SNTB1: variants seen among roughly 807,000 people sequenced by gnomAD.
The protein encoded by SNTB1 is beta-1-syntrophin.
SNTB1 carries 36 observed loss-of-function variants against 48.9 expected under a neutral mutation model. The ratio of observed to expected loss-of-function variants is 0.74; its 90% confidence interval spans 0.56 to 0.97. The LOEUF is 0.97. SNTB1 is among the 50% of genes least tolerant of loss of function. The probability of loss-of-function intolerance (pLI) is 0.00; values close to 1 mark genes in which losing one functional copy is unlikely to be tolerated. For synonymous variants in SNTB1, 299 were observed against 294.6 expected (o/e 1.01, Z -0.15); for missense variants, 786 against 703.4 (o/e 1.12, Z -1.33).
At chr8:120,807,683 C>A (rs1820358786) in intron 1 of SNTB1, among the ~76,000 whole-genome samples, 1 of 152,146 alleles carries the variant, frequency 6.6e-6, no homozygotes, top group Non-Finnish European at 1.5e-5. Context: ...CCTTCCCGTC[C>A]CTCCCTTTTG....
At chr8:120,563,458 G>T (rs1427592873) in intron 4 of SNTB1, among the ~76,000 whole-genome samples, 5 of 152,084 alleles carry the variant, frequency 3.3e-5, no homozygotes, top group Non-Finnish European at 7.4e-5. Flanking sequence ...ACTCATAGGG[G>T]CACCATTGAA....
chr8:120,638,254 T>C (rs1817116616), intron 2 of SNTB1: 1 of 152,220 alleles, frequency 6.6e-6, no homozygotes, highest in South Asian at 2.1e-4. Context: ...AATCTGCCCT[T>C]TCCTACATCT....
At chr8:120,709,070 G>GA (rs1563857569) in intron 1 of SNTB1, among the ~76,000 whole-genome samples, 1 of 151,842 alleles carries the variant, frequency 6.6e-6, no homozygotes, top group Non-Finnish European at 1.5e-5. Context: ...GTGAGAGAGT[G>GA]AAAAAATGGA....
chr8:120,776,511 C>T (rs1819738109), intron 1 of SNTB1: 2 of 152,192 alleles, frequency 1.3e-5, no homozygotes, highest in African/African-American at 4.8e-5. Context: ...ACTTTTGAGA[C>T]CTGTGGACAC....
intron 1 of SNTB1, among the ~76,000 whole-genome samples, chr8:120,758,653 A>T (rs1328146061): frequency 1.3e-5 from 2 of 152,180 alleles, no homozygotes; most frequent in Non-Finnish European, 2.9e-5. Context: ...ACCTGTTTCC[A>T]GGCCAAACCA....
intron 1 of SNTB1, among the ~76,000 whole-genome samples, chr8:120,797,271 C>T (rs923935130): frequency 2.0e-5 from 3 of 151,888 alleles, no homozygotes; most frequent in South Asian, 2.1e-4. Context: ...GATCCTGTGA[C>T]GTTAAAATTT....
chr8:120,809,233 T>A (rs1820388257), intron 1 of SNTB1, among the ~76,000 whole-genome samples: 1 of 152,226 alleles, frequency 6.6e-6, no homozygotes, highest in Non-Finnish European at 1.5e-5. Context: ...GGGCCTCCGC[T>A]TCTCTCATTA....
intron 1 of SNTB1, among the ~76,000 whole-genome samples, chr8:120,722,295 G>T (rs1818674687): frequency 6.6e-6 from 1 of 152,116 alleles, no homozygotes; most frequent in Non-Finnish European, 1.5e-5. Context: ...GATATTTCTA[G>T]CTCTAGATCC....
intron 1 of SNTB1, among the ~76,000 whole-genome samples, chr8:120,800,258 A>G (rs1343939603): frequency 6.6e-6 from 1 of 152,102 alleles, no homozygotes. Context: ...ACTTTATATA[A>G]CCTAGACAAT....
chr8:120,601,576 G>A (rs761355027), intron 3 of SNTB1, among the ~76,000 whole-genome samples: 15 of 152,112 alleles, frequency 9.9e-5, no homozygotes, highest in Non-Finnish European at 2.1e-4. Flanking sequence ...GTGTATTGGA[G>A]ACAACTTCAT....
At chr8:120,606,716 T>A (rs1324288263) in intron 3 of SNTB1, among the ~76,000 whole-genome samples, 1 of 152,178 alleles carries the variant, frequency 6.6e-6, no homozygotes, top group African/African-American at 2.4e-5. Flanking sequence ...TGGTGAGAAT[T>A]CAAACATGAC....
intron 1 of SNTB1, among the ~76,000 whole-genome samples, chr8:120,810,552 T>G (rs1318063006): frequency 2.0e-5 from 3 of 152,082 alleles, no homozygotes; most frequent in East Asian, 3.9e-4. Flanking sequence ...GAAAAATCAC[T>G]TCACCAGCTC....
intron 2 of SNTB1, among the ~76,000 whole-genome samples, chr8:120,634,615 TACTACTCATCATCAACA>T (rs1198936500): frequency 6.6e-6 from 1 of 152,146 alleles, no homozygotes; most frequent in Non-Finnish European, 1.5e-5. Flanking sequence ...TGAAGTGTAG[TACTACTCATCATCAACA>T]ACTATGCCCA....
At chr8:120,602,577 G>A (rs1367435841) in intron 3 of SNTB1, among the ~76,000 whole-genome samples, 1 of 152,092 alleles carries the variant, frequency 6.6e-6, no homozygotes, top group Non-Finnish European at 1.5e-5. Flanking sequence ...CCACCCTGCA[G>A]ATTTCAGATT....
intron 4 of SNTB1, among the ~76,000 whole-genome samples, chr8:120,564,564 GTTTTTT>G (rs71306893): frequency 4.7e-5 from 4 of 84,224 alleles, no homozygotes; most frequent in African/African-American, 1.8e-4. Flanking sequence ...TATTATTCTG[GTTTTTT>G]TTTTTTTTTT....
chr8:120,761,040 T>A (rs80150206), intron 1 of SNTB1, among the ~76,000 whole-genome samples: 5,799 of 152,110 alleles, frequency 0.038, 374 homozygotes, highest in African/African-American at 0.13. Context: ...GAGCAAAGAC[T>A]ATAAACAAGG....
At chr8:120,732,327 T>C (rs191997249) in intron 1 of SNTB1, among the ~76,000 whole-genome samples, 16 of 152,312 alleles carry the variant, frequency 1.1e-4, no homozygotes, top group Admixed American at 2.0e-4. Flanking sequence ...CAAAATAATG[T>C]TAGCTGTGCC....
chr8:120,542,006 A>G lies in SNTB1; in HGVS notation c.1334-6T>C. On this transcript the variant is annotated splice_region_variant and splice_polypyrimidine_tract_variant and intron_variant, in intron 5 of 6. Coordinates refer to ENST00000517992, the MANE Select transcript of SNTB1 (RefSeq NM_021021.4). ...CTGGTTTTTGTAGGTGCAAGCTGAG[A>G]GAGAAAGAGAGAGAAAAAGAGACAA... The G allele has an allele frequency of 6.2e-7, 1 of 1,610,136 alleles. No individual in the cohort carries two copies. Among genetic ancestry groups the G allele is most frequent in the Non-Finnish European group, 8.5e-7 (1 of 1,178,112 alleles).
At chr8:120,786,940 C>G (rs1819932393) in intron 1 of SNTB1, among the ~76,000 whole-genome samples, 1 of 152,118 alleles carries the variant, frequency 6.6e-6, no homozygotes, top group East Asian at 1.9e-4. Flanking sequence ...GAAGAAAGTA[C>G]TAGGGAAAAA....
Sources: gnomAD v4.1 joint callset for allele counts (sites outside exome capture counted in the v4.1 genomes callset) on GRCh38, gnomAD v4.1.1 for gene constraint, MANE v1.5 for transcripts, NCBI Gene and HGNC (gene_info 2026-07-23, HGNC 2026-07-21) for gene names.